The following NXPH2 variants were observed in gnomAD, a reference collection of about 807,000 sequenced individuals.
NXPH2 encodes neurexophilin 2, also known as neurexophilin-2.
NXPH2 carries 5 observed loss-of-function variants against 19.8 expected under a neutral mutation model. That is an observed-to-expected ratio of 0.25 (90% CI 0.13 to 0.53). The LOEUF is 0.53. Ranked by LOEUF, NXPH2 falls within the 20% of genes least tolerant of loss-of-function variation. The probability of loss-of-function intolerance (pLI) is 0.96; values close to 1 mark genes in which losing one functional copy is unlikely to be tolerated. For synonymous variants in NXPH2, 154 were observed against 127.4 expected (o/e 1.21, Z -1.41); for missense variants, 289 against 322.8 (o/e 0.90, Z 0.80).
At chr2:138,736,571 G>A (rs946360526) in intron 1 of NXPH2, among the ~76,000 whole-genome samples, 2 of 152,174 alleles carry the variant, frequency 1.3e-5, no homozygotes, top group African/African-American at 4.8e-5. Flanking sequence ...GCCTGTAAAG[G>A]GAGGGGCTGC....
At chr2:138,691,073 G>A (rs902764081) in intron 1 of NXPH2, among the ~76,000 whole-genome samples, 8 of 152,184 alleles carry the variant, frequency 5.3e-5, no homozygotes, top group Non-Finnish European at 8.8e-5. Flanking sequence ...AAAGTGTGGT[G>A]AATTCTGAGA....
intron 1 of NXPH2, among the ~76,000 whole-genome samples, chr2:138,716,162 G>A (rs1000070775): frequency 2.6e-5 from 4 of 152,016 alleles, no homozygotes; most frequent in Non-Finnish European, 4.4e-5. Context: ...ATAGCATACC[G>A]AACTCCATTT....
intron 1 of NXPH2, among the ~76,000 whole-genome samples, chr2:138,696,940 G>C (rs1360097287): frequency 6.6e-6 from 1 of 152,004 alleles, no homozygotes; most frequent in Non-Finnish European, 1.5e-5. Context: ...AATAAAAATA[G>C]TAAACCTATC....
chr2:138,747,860 C>T (rs1681766036), intron 1 of NXPH2, among the ~76,000 whole-genome samples: 1 of 152,186 alleles, frequency 6.6e-6, no homozygotes, highest in Admixed American at 6.5e-5. Flanking sequence ...CCTCCCTTCT[C>T]TCCAGTTTCA....
chr2:138,777,780 A>T (rs1682288805), intron 1 of NXPH2, among the ~76,000 whole-genome samples: 1 of 150,200 alleles, frequency 6.7e-6, no homozygotes, highest in African/African-American at 2.4e-5. Flanking sequence ...ATAGAAAAGT[A>T]AAATCCAATT....
intron 1 of NXPH2, among the ~76,000 whole-genome samples, chr2:138,713,791 G>C (rs539700366): frequency 6.6e-6 from 1 of 152,064 alleles, no homozygotes; most frequent in Non-Finnish European, 1.5e-5. Context: ...AAATCACAAC[G>C]TACTCATCAG....
At chr2:138,688,100 A>G (rs1387989364) in intron 1 of NXPH2, among the ~76,000 whole-genome samples, 2 of 152,080 alleles carry the variant, frequency 1.3e-5, no homozygotes, top group Non-Finnish European at 2.9e-5. Context: ...CTTGATGGGG[A>G]TGGCATTGAA....
At position 138,708,820 on chromosome 2, in the gene NXPH2, G is replaced by A. The variant is rs745864188; in HGVS notation, c.52-37155C>T. 7.8e-4 allele frequency among the ~76,000 whole-genome samples: 119 copies of A among 152,248 alleles called. 1 individual carries two copies. Among genetic ancestry groups the A allele is most frequent in the Non-Finnish European group, 1.3e-3 (87 of 68,022 alleles). On this transcript the variant is annotated intron_variant, in intron 1 of 1. Transcript: ENST00000272641. ...ACATTTATCAAAGCATAGGGACATC[G>A]GGACTGAAAACAAGGGCTGATTTAG...
At chr2:138,773,391 T>C (rs1330975408) in intron 1 of NXPH2, among the ~76,000 whole-genome samples, 1 of 152,226 alleles carries the variant, frequency 6.6e-6, no homozygotes, top group Non-Finnish European at 1.5e-5. Flanking sequence ...ATATTCCTGT[T>C]ATCATTACTA....
chr2:138,677,243 T>C (rs2104966632), intron 1 of NXPH2, among the ~76,000 whole-genome samples: 1 of 152,336 alleles, frequency 6.6e-6, no homozygotes, highest in South Asian at 2.1e-4. Context: ...CCCCATCATA[T>C]TATAATAATA....
At chr2:138,768,788 G>T (rs1264993256) in intron 1 of NXPH2, among the ~76,000 whole-genome samples, 2 of 152,188 alleles carry the variant, frequency 1.3e-5, no homozygotes, top group African/African-American at 4.8e-5. Flanking sequence ...TATGGGCCAG[G>T]TATTTTACAT....
chr2:138,708,588 T>C (rs1681053177), intron 1 of NXPH2, among the ~76,000 whole-genome samples: 1 of 152,230 alleles, frequency 6.6e-6, no homozygotes, highest in Admixed American at 6.5e-5. Flanking sequence ...TGAAAACTCC[T>C]GAAAGACAAC....
intron 1 of NXPH2, among the ~76,000 whole-genome samples, chr2:138,774,997 A>G (rs755072780): frequency 1.3e-4 from 20 of 152,230 alleles, no homozygotes; most frequent in Non-Finnish European, 2.8e-4. Context: ...TTATCATTAT[A>G]GTTTAAGTTT....
intron 1 of NXPH2, among the ~76,000 whole-genome samples, chr2:138,690,104 A>G (rs1558914429): frequency 6.6e-6 from 1 of 152,110 alleles, no homozygotes; most frequent in African/African-American, 2.4e-5. Flanking sequence ...TCCTCCTGCA[A>G]ACGTTTTCTA....
intron 1 of NXPH2, among the ~76,000 whole-genome samples, chr2:138,752,308 T>C (rs1681839833): frequency 6.6e-6 from 1 of 152,096 alleles, no homozygotes; most frequent in Non-Finnish European, 1.5e-5. Flanking sequence ...AACTCAGGCA[T>C]CCAGTAGAGT....
chr2:138,732,322 C>G (rs1681464959), intron 1 of NXPH2, among the ~76,000 whole-genome samples: 1 of 152,182 alleles, frequency 6.6e-6, no homozygotes, highest in South Asian at 2.1e-4. Flanking sequence ...TCGAGAAGCT[C>G]TCCTGGTAAC....
chr2:138,761,127 T>C (rs998792360), intron 1 of NXPH2, among the ~76,000 whole-genome samples: 1 of 152,182 alleles, frequency 6.6e-6, no homozygotes, highest in Non-Finnish European at 1.5e-5. Flanking sequence ...TCCAAAGATT[T>C]TGTTGAAACC....
intron 1 of NXPH2, among the ~76,000 whole-genome samples, chr2:138,708,557 C>A (rs1380362042): frequency 2.0e-5 from 3 of 152,168 alleles, no homozygotes; most frequent in Non-Finnish European, 4.4e-5. Context: ...CCAGAGTTTT[C>A]TTTTTCCTCT....
intron 1 of NXPH2, among the ~76,000 whole-genome samples, chr2:138,708,265 T>A (rs1296128999): frequency 6.6e-6 from 1 of 152,222 alleles, no homozygotes; most frequent in Non-Finnish European, 1.5e-5. Flanking sequence ...CGCTGCCCAC[T>A]TCACAACTAT....
Sources: gnomAD v4.1 joint callset for allele counts (sites outside exome capture counted in the v4.1 genomes callset) on GRCh38, gnomAD v4.1.1 for gene constraint, MANE v1.5 for transcripts, NCBI Gene and HGNC (gene_info 2026-07-23, HGNC 2026-07-21) for gene names.